The following POLR2F variants were observed in gnomAD, a reference collection of about 807,000 sequenced individuals.
The protein encoded by POLR2F is RNA polymerase II, I and III subunit F, also known as DNA-directed RNA polymerases I, II, and III subunit RPABC2.
POLR2F carries 12 observed loss-of-function variants against 22.7 expected under a neutral mutation model. The ratio of observed to expected loss-of-function variants is 0.53; its 90% CI spans 0.34 to 0.86. The LOEUF (loss-of-function observed/expected upper bound fraction) is 0.86. Among genes scored for constraint, POLR2F ranks in the 40% least tolerant of loss-of-function variants. POLR2F has a pLI of 0.02. For missense variants in POLR2F, 126 were observed against 171.5 expected, an observed-to-expected ratio of 0.73 and a Z score of 1.48; for synonymous variants, 57 against 66.0, an observed-to-expected ratio of 0.86 and a Z score of 0.66.
Position 37,968,493 on chromosome 22 carries a change from TG to T in POLR2F, c.*782del, listed in dbSNP as rs1177886200. The T allele has an allele frequency of 3.8e-5, 37 of 986,036 alleles. No homozygotes were observed. The South Asian group carries it at 7.0e-4, about 19-fold the overall frequency. The allele number at this position is 986,036 out of a possible 1,614,324, so 61.1% of individuals were successfully genotyped here. A position where few individuals can be genotyped will look rare whatever the true frequency, so the allele number is the denominator to read the frequency against. ...CCCTGAGGCCTTGGGGACATGGTGC[TG>T]GGGTGGTGGTGCTCCTGGGTTCCAG... On this transcript the variant is annotated 3_prime_UTR_variant, in exon 5 of 5. Transcript: ENST00000442738.
chr22:37,959,002 A>G (rs1274862135), intron 2 of POLR2F, among the ~76,000 whole-genome samples: 2 of 151,938 alleles, frequency 1.3e-5, no homozygotes, highest in Non-Finnish European at 2.9e-5. Flanking sequence ...TTGTGCCAGG[A>G]CCTCTTTTAC....
At chr22:38,002,741 T>G (rs918818457) in intron 1 of POLR2F, among the ~76,000 whole-genome samples, 1 of 152,042 alleles carries the variant, frequency 6.6e-6, no homozygotes, top group African/African-American at 2.4e-5. Flanking sequence ...GTCTTTTTTT[T>G]TTGAGACGGA....
At chr22:37,981,697 C>T (rs920187920), upstream of POLR2F, among the ~76,000 whole-genome samples, 19 of 152,236 alleles carry the variant, frequency 1.2e-4, no homozygotes, top group African/African-American at 4.3e-4. Context: ...CTGTTTCTCA[C>T]TTGCTCTTTG....
chr22:38,025,933 T>A (rs1319086450), exon 2 of POLR2F: 2 of 685,206 alleles, frequency 2.9e-6, no homozygotes, highest in African/African-American at 3.5e-5. Context: ...GCTCAACAGA[T>A]GCTCTGAAAT....
At chr22:37,971,288 A>C, downstream of POLR2F, 1 of 471,074 alleles carries the variant, frequency 2.1e-6, no homozygotes, top group South Asian at 1.5e-5. Flanking sequence ...CGCAAACTTC[A>C]GTTTCCCCAT....
intron 1 of POLR2F, among the ~76,000 whole-genome samples, chr22:37,956,563 T>C (rs1174495264): frequency 6.6e-6 from 1 of 151,790 alleles, no homozygotes; most frequent in Non-Finnish European, 1.5e-5. Context: ...ATTACAGACA[T>C]GTGCCACCAT....
At chr22:37,987,457 G>A (rs1932616290) in intron 1 of POLR2F, 4 of 361,964 alleles carry the variant, frequency 1.1e-5, no homozygotes, top group African/African-American at 2.2e-5. Flanking sequence ...GAGCTGGTCC[G>A]GCTTTATGGA....
intron 1 of POLR2F, among the ~76,000 whole-genome samples, chr22:37,993,367 G>A (rs1325195325): frequency 6.6e-6 from 1 of 152,184 alleles, no homozygotes; most frequent in Non-Finnish European, 1.5e-5. Context: ...GGCTGGGCAG[G>A]AAGGGAGCTC....
chr22:37,983,440 A>G, upstream of POLR2F: 1 of 1,612,314 alleles, frequency 6.2e-7, no homozygotes, highest in South Asian at 1.1e-5. The surrounding 1 kb of genome is among the most constrained non-coding windows in gnomAD (Gnocchi z 9.5). Flanking sequence ...GCGCTGCCTG[A>G]GCCCACACCA....
chr22:37,986,025 G>A (rs141591737), upstream of POLR2F: 18 of 382,134 alleles, frequency 4.7e-5, no homozygotes, highest in South Asian at 1.8e-4. The surrounding 1 kb of genome is among the most constrained non-coding windows in gnomAD (Gnocchi z 4.7). Context: ...TCCTCCCCCC[G>A]CCTCCCTTCT....
chr22:37,985,894 T>A (rs933461142), upstream of POLR2F, among the ~76,000 whole-genome samples: 16 of 151,812 alleles, frequency 1.1e-4, no homozygotes, highest in Non-Finnish European at 1.6e-4. Flanking sequence ...GGCCAGTGTG[T>A]CTGGGGCCTC....
rs145616645 is a variant in POLR2F at position 37,965,094 on chromosome 22, C to T, written c.222-2005C>T. ...CCATCTCGGCTCACTGCAACCTTCA[C>T]CTCCTGGTTCAAGCGATTCTCATGC... On this transcript the variant is annotated intron_variant, in intron 3 of 4. Coordinates refer to ENST00000442738, the MANE Select transcript of POLR2F (RefSeq NM_021974.5). Among the ~76,000 whole-genome samples the T allele has an allele frequency of 3.2e-3, 481 of 152,278 alleles. 4 individuals carry two copies. The highest frequency in any genetic ancestry group is 0.011 in the African/African-American group (462 of 41,550).
Position 37,959,390 on chromosome 22 carries a change from G to T in POLR2F, c.135G>T (p.Pro45=), listed in dbSNP as rs757279911. The change falls in exon 3 of 5, where the codon CCG becomes CCT. Residue 45 remains proline, a synonymous_variant. Transcript: ENST00000442738. ...AGATCCTCCCCTCTGGGGAGCGACCGCAGGCCAACCAGAAGCGAATCACCA... is the reference window on the plus strand; with the variant it reads ...AGATCCTCCCCTCTGGGGAGCGACCTCAGGCCAACCAGAAGCGAATCACCA... ...NVEILPSGER[P]QANQKRITTP... 5 of 1,613,864 alleles carry T rather than the reference G, an allele frequency of 3.1e-6. No homozygotes were observed. The East Asian group carries it at 8.9e-5, about 29-fold the overall frequency.
downstream of POLR2F, chr22:37,974,264 C>A (rs1444622688): frequency 7.2e-6 from 9 of 1,249,100 alleles, no homozygotes; most frequent in East Asian, 1.2e-4. This position sits in a 1 kb window ranked among gnomAD's most constrained non-coding sequence, Gnocchi z 5.4. Flanking sequence ...GGTGGGCGCA[C>A]GTGAACTTCC....
Position 38,017,384 on chromosome 22 carries a change from G to A in POLR2F, c.121-8485G>A, listed in dbSNP as rs922016433. Among the ~76,000 whole-genome samples, 1 of 152,142 alleles carries A rather than the reference G, an allele frequency of 6.6e-6. No homozygotes were observed. The highest frequency in any genetic ancestry group is 2.4e-5 in the African/African-American group (1 of 41,412). The stretch of plus-strand genomic sequence containing the variant: ...GCTCTTGGGGGTCTGTCTCCCAGCT[G>A]GGCCTGGTCCAGATGCGGGGGCAGG... On this transcript the variant is annotated intron_variant, in intron 1 of 2. Transcript: ENST00000333418. The surrounding 1 kb of genome is among the most constrained non-coding windows in gnomAD (Gnocchi z 4.1).
At position 37,968,413 on chromosome 22, in the gene POLR2F, CCTT is replaced by C. The variant is rs1429935315; in HGVS notation, c.*703_*705del. 7.1e-6 allele frequency: 7 copies of C among 985,762 alleles called. No homozygotes were observed. In the East Asian group the frequency reaches 6.8e-4, roughly 96 times the overall value. 61.1% of individuals were successfully genotyped at this position (985,762 alleles called of 1,614,324 possible). ...ACCTCTTTGGTGTGCCACACCCATGCCTTCTTCCTAGCCTCTATAAGATATCCT... is the reference window on the plus strand; with the variant it reads ...ACCTCTTTGGTGTGCCACACCCATGCCTTCCTAGCCTCTATAAGATATCCT... On this transcript the variant is annotated 3_prime_UTR_variant, in exon 5 of 5. Transcript: ENST00000442738.
At chr22:37,979,346 C>T (rs1310521012) in intron 4 of POLR2F, among the ~76,000 whole-genome samples, 1 of 152,180 alleles carries the variant, frequency 6.6e-6, no homozygotes, top group African/African-American at 2.4e-5. Flanking sequence ...GATCCACCCG[C>T]CTTGGCCTCC....
chr22:38,028,975 C>A (rs2085040945), downstream of POLR2F, among the ~76,000 whole-genome samples: 2 of 152,166 alleles, frequency 1.3e-5, no homozygotes, highest in African/African-American at 4.8e-5. Context: ...GCTGGTGAGC[C>A]AGGCCTGGAG....
At position 37,986,641 on chromosome 22, in the gene POLR2F, T is replaced by G. The variant is rs1405852545; in HGVS notation, c.120+329T>G. The G allele has an allele frequency of 3.2e-6, 2 of 631,254 alleles. No individual in the cohort carries two copies. The highest frequency in any genetic ancestry group is 3.6e-5 in the African/African-American group (2 of 55,784). The allele number at this position is 631,254 out of a possible 1,614,324, so 39.1% of individuals were successfully genotyped here. On this transcript the variant is annotated intron_variant, in intron 1 of 2. Transcript: ENST00000333418. The surrounding 1 kb of genome is among the most constrained non-coding windows in gnomAD (Gnocchi z 4.7). ...CCCTTGTCCCCGCACAGACACTGCC[T>G]TCCTCTCAGGGCTGTGCTGGGCTTT...
Sources: gnomAD v4.1 joint callset for allele counts (sites outside exome capture counted in the v4.1 genomes callset) on GRCh38, gnomAD v4.1.1 for gene constraint, Gnocchi (gnomAD v3.1) non-coding constraint, MANE v1.5 for transcripts, NCBI Gene and HGNC (gene_info 2026-07-23, HGNC 2026-07-21) for gene names.